Variants in CLIC5 observed in about 807,000 individuals in gnomAD.
The protein encoded by CLIC5 is chloride intracellular channel protein 5.
Under a neutral mutation model 24.7 loss-of-function variants are expected in CLIC5, and 20 were observed. That is an observed-to-expected ratio of 0.81 (90% CI 0.57 to 1.18). The LOEUF is 1.18. Ranked by LOEUF, CLIC5 falls within the 50% of genes most tolerant of loss-of-function variation. The probability of loss-of-function intolerance (pLI) is 0.00; values close to 1 mark genes in which losing one functional copy is unlikely to be tolerated. For synonymous variants in CLIC5, 159 were observed against 135.6 expected (o/e 1.17, Z -1.20); for missense variants, 341 against 326.1 (o/e 1.05, Z -0.35).
At chr6:46,091,505 G>C in the CLIC5 span, among the ~76,000 whole-genome samples, 787 of 152,222 alleles carry the variant, frequency 5.2e-3, 11 homozygotes, top group African/African-American at 0.018. Context: ...GGAGTCTAAG[G>C]CAGGAGGATT....
chr6:46,013,480 G>A (rs1357367844), intron 1 of CLIC5, among the ~76,000 whole-genome samples: 1 of 152,158 alleles, frequency 6.6e-6, no homozygotes, highest in Non-Finnish European at 1.5e-5. Context: ...TGAGGGAGGA[G>A]TCAAAACAAC....
chr6:45,938,338 TGGCTTGC>T (rs1764011908), intron 4 of CLIC5, among the ~76,000 whole-genome samples: 1 of 152,208 alleles, frequency 6.6e-6, no homozygotes, highest in Non-Finnish European at 1.5e-5. Context: ...CCTTCACCTC[TGGCTTGC>T]TAAGCCTAAG....
In CLIC5 at chr6:45,899,853, C is replaced by T. The variant is rs1222917421; in HGVS notation, c.*3235G>A. 1 of 152,202 alleles carries T rather than the reference C, an allele frequency of 6.6e-6. No homozygotes were observed. Among genetic ancestry groups the T allele is most frequent in the African/African-American group, 2.4e-5 (1 of 41,448 alleles). 9.4% of individuals were successfully genotyped at this position (152,202 alleles called of 1,614,324 possible). ...GACAGGGCCATTTCCCAAGATAAAA[C>T]TAGTTTGGGATCGTGTGGCCAAATA... On this transcript the variant is annotated 3_prime_UTR_variant, in exon 6 of 6. Coordinates refer to ENST00000339561, the MANE Select transcript of CLIC5 (RefSeq NM_016929.5).
intron 1 of CLIC5, among the ~76,000 whole-genome samples, chr6:46,030,359 C>A (rs1767463452): frequency 6.6e-6 from 1 of 152,178 alleles, no homozygotes; most frequent in African/African-American, 2.4e-5. Context: ...CTCTACCCTT[C>A]ATCCTCATTA....
chr6:45,948,406 C>T (rs770866612), intron 3 of CLIC5, among the ~76,000 whole-genome samples: 2 of 152,130 alleles, frequency 1.3e-5, no homozygotes, highest in East Asian at 1.9e-4. Flanking sequence ...TCTAGGATAC[C>T]GACTTCCCTC....
At chr6:46,058,830 A>G (rs1248918998) in intron 1 of CLIC5, among the ~76,000 whole-genome samples, 1 of 152,170 alleles carries the variant, frequency 6.6e-6, no homozygotes, top group Non-Finnish European at 1.5e-5. Context: ...AAAAGGTATA[A>G]TGTGCGATAA....
intron 1 of CLIC5, among the ~76,000 whole-genome samples, chr6:45,998,557 A>G (rs1766236518): frequency 6.6e-6 from 1 of 152,212 alleles, no homozygotes; most frequent in South Asian, 2.1e-4. Context: ...AGCCCCTGTG[A>G]ATATTTCAAC....
chr6:46,011,479 A>G (rs1182887395), intron 1 of CLIC5, among the ~76,000 whole-genome samples: 2 of 152,222 alleles, frequency 1.3e-5, no homozygotes, highest in Non-Finnish European at 2.9e-5. Context: ...AGACACACTG[A>G]TGTAATCGGC....
At chr6:45,941,335 C>T (rs1764122584) in intron 4 of CLIC5, among the ~76,000 whole-genome samples, 1 of 152,132 alleles carries the variant, frequency 6.6e-6, no homozygotes, top group African/African-American at 2.4e-5. Context: ...GCCTTTCCTC[C>T]TGCACCAGCT....
At chr6:45,913,294 C>T (rs767781937) in intron 5 of CLIC5, among the ~76,000 whole-genome samples, 53 of 151,958 alleles carry the variant, frequency 3.5e-4, no homozygotes, top group African/African-American at 1.1e-3. Context: ...ACTAGGCTGA[C>T]GAGGGTCAGG....
intron 1 of CLIC5, among the ~76,000 whole-genome samples, chr6:45,973,067 G>A (rs887409342): frequency 6.6e-6 from 1 of 152,114 alleles, no homozygotes; most frequent in South Asian, 2.1e-4. Context: ...CTGGAGCTGA[G>A]GTTAAATTAT....
intron 2 of CLIC5, among the ~76,000 whole-genome samples, chr6:45,951,759 C>T (rs544400063): frequency 5.1e-4 from 78 of 152,088 alleles, no homozygotes; most frequent in African/African-American, 1.8e-3. Flanking sequence ...AAACATTAAA[C>T]GCAGAAACTG....
At chr6:46,065,747 A>T (rs1027763439) in intron 1 of CLIC5, among the ~76,000 whole-genome samples, 4 of 152,206 alleles carry the variant, frequency 2.6e-5, no homozygotes, top group African/African-American at 9.6e-5. Context: ...TCTAGGAGGC[A>T]GGAGGTGTCT....
intron 1 of CLIC5, among the ~76,000 whole-genome samples, chr6:45,958,427 TA>T (rs1561964376): frequency 0.16 from 898 of 5,456 alleles, 53 homozygotes; most frequent in African/African-American, 0.21. Flanking sequence ...GACAATTATA[TA>T]TATATATATA....
chr6:46,108,399 T>TGAGAGA, the CLIC5 span, among the ~76,000 whole-genome samples: 6 of 134,332 alleles, frequency 4.5e-5, no homozygotes, highest in Admixed American at 1.5e-4. Context: ...TGTGTGTGTG[T>TGAGAGA]GTGAGAGAGA....
chr6:46,004,489 C>T (rs57851558), intron 1 of CLIC5, among the ~76,000 whole-genome samples: 5,067 of 152,228 alleles, frequency 0.033, 282 homozygotes, highest in African/African-American at 0.11. Context: ...AGGAGTTGGC[C>T]GTCCCGCAGG....
At chr6:46,037,465 T>C (rs144064868) in intron 1 of CLIC5, among the ~76,000 whole-genome samples, 4 of 152,226 alleles carry the variant, frequency 2.6e-5, no homozygotes, top group Non-Finnish European at 4.4e-5. Context: ...GTCAGAGAGC[T>C]TCCTTGGTTT....
chr6:45,966,238 GA>G (rs34657281), intron 1 of CLIC5, among the ~76,000 whole-genome samples: 1 of 152,132 alleles, frequency 6.6e-6, no homozygotes, highest in South Asian at 2.1e-4. Flanking sequence ...GAGAACTTAT[GA>G]AAAAAGTTTT....
intron 1 of CLIC5, among the ~76,000 whole-genome samples, chr6:46,076,362 C>T (rs948439375): frequency 6.6e-6 from 1 of 152,162 alleles, no homozygotes; most frequent in East Asian, 1.9e-4. Flanking sequence ...AACGGACTTG[C>T]AAATGTGATT....
Sources: allele counts gnomAD v4.1 joint callset (sites outside exome capture counted in the v4.1 genomes callset), GRCh38; gene constraint gnomAD v4.1.1; transcripts MANE v1.5; gene names NCBI Gene and HGNC (gene_info 2026-07-23, HGNC 2026-07-21).